Variants in FTCD observed in about 807,000 individuals in gnomAD.
The protein encoded by FTCD is formimidoyltransferase-cyclodeaminase.
In FTCD, 76 loss-of-function variants were observed where a neutral mutation model predicts 62.9. The observed-to-expected ratio is 1.21, with a 90% CI of 1.00 to 1.46. The LOEUF is 1.46. Among genes scored for constraint, FTCD ranks in the 40% most tolerant of loss-of-function variants. The pLI, the probability that FTCD is intolerant of heterozygous loss-of-function variation, is 0.00. For missense variants in FTCD, 845 were observed against 751.3 expected, an observed-to-expected ratio of 1.12 and a Z score of -1.46; for synonymous variants, 397 against 336.9, an observed-to-expected ratio of 1.18 and a Z score of -1.95.
chr21:46,139,370 T>A lies in FTCD; in HGVS notation c.1261-447A>T, dbSNP rs1028482886. ...AAAGCCCCTCATGTCCCTGCCCCGG[T>A]CACAGGCACTGGCCTTTCCTAGGTG... On this transcript the variant is annotated intron_variant, in intron 10 of 13. Transcript: ENST00000397746. 2.0e-5 allele frequency among the ~76,000 whole-genome samples: 3 copies of A among 152,142 alleles called. 1 individual carries two copies. Among genetic ancestry groups the A allele is most frequent in the Admixed American group, 6.5e-5 (1 of 15,278 alleles).
chr21:46,144,409 C>T (rs1402350048), intron 10 of FTCD, among the ~76,000 whole-genome samples: 11 of 108,306 alleles, frequency 1.0e-4, no homozygotes, highest in Non-Finnish European at 2.2e-4. Context: ...TCTCCACCTA[C>T]CTCTCTCCCC....
intron 1 of FTCD, among the ~76,000 whole-genome samples, 158 bp from the exon 2 acceptor site, chr21:46,154,490 C>T (rs1405664508): frequency 3.3e-5 from 5 of 152,184 alleles, no homozygotes; most frequent in African/African-American, 9.7e-5. Flanking sequence ...CGAAAGTGCC[C>T]GCACACAGCG....
At chr21:46,143,321 T>TCC in intron 10 of FTCD, among the ~76,000 whole-genome samples, 1 of 148,270 alleles carries the variant, frequency 6.7e-6, no homozygotes, top group Middle Eastern at 3.4e-3. Context: ...CCTGTCTCTC[T>TCC]CCCCACCTCC....
chr21:46,152,317 T>G, intron 3 of FTCD: 4 of 299,052 alleles, frequency 1.3e-5, no homozygotes, highest in African/African-American at 2.2e-5. Flanking sequence ...CACATAAATA[T>G]AACGGCAGAG....
chr21:46,138,397 G>A (rs2078917684), intron 12 of FTCD, 111 bp downstream of exon 12: 3 of 1,046,990 alleles, frequency 2.9e-6, no homozygotes, highest in Non-Finnish European at 4.2e-6. Flanking sequence ...GTGAAGTGAG[G>A]TCTCCCTACC....
chr21:46,145,996 A>G, intron 8 of FTCD, 49 bp from the exon 9 acceptor site: 1 of 1,164,568 alleles, frequency 8.6e-7, no homozygotes, highest in East Asian at 2.7e-5. Flanking sequence ...TGGTGGGGGG[A>G]GCGCAGTCCT....
At position 46,152,123 on chromosome 21, in the gene FTCD, C is replaced by T. The variant is rs111900599; in HGVS notation, c.368-143G>A. On this transcript the variant is annotated intron_variant, in intron 3 of 13. Coordinates refer to ENST00000397746, the MANE Select transcript of FTCD (RefSeq NM_206965.2). ...CCTCTCCTGGGGAGTGCCCGTTCTC[C>T]GCCTTGGATGGATGCGGGTGGTCCC... 372 of 622,104 alleles carry T rather than the reference C, an allele frequency of 6.0e-4. 2 individuals carry two copies. The highest frequency in any genetic ancestry group is 4.4e-3 in the African/African-American group (241 of 54,602). The allele number at this position is 622,104 out of a possible 1,614,324, so 38.5% of individuals were successfully genotyped here.
At chr21:46,151,004 C>A (rs2079258789) in intron 5 of FTCD, among the ~76,000 whole-genome samples, 1 of 152,254 alleles carries the variant, frequency 6.6e-6, no homozygotes, top group Non-Finnish European at 1.5e-5. Context: ...GCTGAGTCTG[C>A]AGGTCGGGAA....
intron 7 of FTCD, among the ~76,000 whole-genome samples, chr21:46,147,403 C>T (rs2123540924): frequency 6.6e-6 from 1 of 152,198 alleles, no homozygotes; most frequent in East Asian, 1.9e-4. Flanking sequence ...AAGCCAAAAA[C>T]TCAGCTTCAG....
rs767772234 is a variant in FTCD, at chr21:46,154,280, A to G, written c.107T>C (p.Leu36Pro). The G allele has an allele frequency of 1.2e-6, 2 of 1,612,312 alleles. No homozygotes were observed. Among genetic ancestry groups the G allele is most frequent in the African/African-American group, 1.3e-5 (1 of 75,034 alleles). ...AITQTPGCVLLDVDAGPSTNR... is the reference protein window; with the variant it reads ...AITQTPGCVLPDVDAGPSTNR... ...GGTGGAAGGGCCTGCGTCCACATCCAGCAGCACGCAGCCCGGGGTCTGTGT... is the reference window on the plus strand; with the variant it reads ...GGTGGAAGGGCCTGCGTCCACATCCGGCAGCACGCAGCCCGGGGTCTGTGT... Residue 36 changes from leucine to proline, a missense_variant, in exon 2 of 14, where the codon CTG becomes CCG. Leu to Pro is a moderately conservative substitution (Grantham distance 98). Transcript: ENST00000397746.
rs1047209 is a variant in FTCD, at chr21:46,136,895, C to T, written c.*92G>A. 0.14 allele frequency: 214,723 copies of T among 1,590,498 alleles called. 16,546 individuals carry two copies. Among genetic ancestry groups the T allele is most frequent in the East Asian group, 0.36 (15,752 of 43,360 alleles). On this transcript the variant is annotated 3_prime_UTR_variant, in exon 14 of 14. Coordinates refer to ENST00000397746, the MANE Select transcript of FTCD (RefSeq NM_206965.2). ...GCCCACCTACCCTCCGGGCCCCACACGAACAAGCTGTGTCCCCACCGAGGT... is the reference window on the plus strand; with the variant it reads ...GCCCACCTACCCTCCGGGCCCCACATGAACAAGCTGTGTCCCCACCGAGGT...
At chr21:46,140,992 T>C (rs983190196) in intron 10 of FTCD, among the ~76,000 whole-genome samples, 3 of 152,270 alleles carry the variant, frequency 2.0e-5, no homozygotes, top group African/African-American at 7.2e-5. Context: ...ACAGTCTCAC[T>C]GTCCCCGCTC....
At chr21:46,145,767 C>CAACAG (rs2079129370) in intron 9 of FTCD, 51 bp downstream of exon 9, 4 of 356,034 alleles carry the variant, frequency 1.1e-5, no homozygotes, top group East Asian at 1.8e-4. Context: ...TTCCCCCTCC[C>CAACAG]CGCCCTCCCC....
chr21:46,154,078 A>G (rs1046385534), intron 2 of FTCD, 71 bp downstream of exon 2: 2 of 1,517,752 alleles, frequency 1.3e-6, no homozygotes, highest in African/African-American at 1.4e-5. Context: ...CCCCTCTCCC[A>G]GGACACCAGG....
At chr21:46,150,046 T>G in intron 7 of FTCD, 73 bp downstream of exon 7, 3 of 1,295,046 alleles carry the variant, frequency 2.3e-6, no homozygotes, top group Admixed American at 1.8e-5. Flanking sequence ...GCCCCAGGGC[T>G]GTGAGCTCCG....
At position 46,146,394 on chromosome 21, in the gene FTCD, C is replaced by T. The variant is rs538637742; in HGVS notation, c.907-67G>A. 3.0e-4 allele frequency: 330 copies of T among 1,111,708 alleles called. 1 individual carries two copies. In the Middle Eastern group the frequency reaches 3.4e-3, roughly 11 times the overall value. 68.9% of individuals were successfully genotyped at this position (1,111,708 alleles called of 1,614,324 possible). A position where few individuals can be genotyped will look rare whatever the true frequency, so the allele number is the denominator to read the frequency against. On this transcript the variant is annotated intron_variant, in intron 7 of 13. Coordinates refer to ENST00000397746, the MANE Select transcript of FTCD (RefSeq NM_206965.2). ...CCACCACCAGGAAAGCCTCGGAACC[C>T]GCGGGTCCCACCCTTGCGGCAGCCG...
intron 12 of FTCD, among the ~76,000 whole-genome samples, chr21:46,138,091 A>G (rs2078910747): frequency 1.3e-5 from 2 of 151,836 alleles, no homozygotes; most frequent in Admixed American, 1.3e-4. Flanking sequence ...GGGTCCCACT[A>G]TGTTGCCCAG....
intron 2 of FTCD, among the ~76,000 whole-genome samples, chr21:46,153,253 C>T (rs1048068812): frequency 3.9e-4 from 59 of 152,318 alleles, no homozygotes; most frequent in Middle Eastern, 3.4e-3. Context: ...CGGAAGTTCC[C>T]GCACCGTCCT....
At chr21:46,155,108 T>A (rs1299290119) in intron 1 of FTCD, among the ~76,000 whole-genome samples, 1 of 152,172 alleles carries the variant, frequency 6.6e-6, no homozygotes, top group African/African-American at 2.4e-5. Context: ...CTGGGCCACC[T>A]CGTGTGGCCT....
Sources: gnomAD v4.1 joint callset for allele counts (sites outside exome capture counted in the v4.1 genomes callset) on GRCh38, gnomAD v4.1.1 for gene constraint, MANE v1.5 for transcripts, NCBI Gene and HGNC (gene_info 2026-07-23, HGNC 2026-07-21) for gene names.